Variants in TP63 observed in about 807,000 individuals in gnomAD.
The protein encoded by TP63 is tumor protein p63.
Under a neutral mutation model 82.8 loss-of-function variants are expected in TP63, and 17 were observed. That is an observed-to-expected ratio of 0.21 (90% confidence interval 0.14 to 0.31). TP63 has a LOEUF of 0.31. Ranked by LOEUF, TP63 falls within the 10% of genes least tolerant of loss-of-function variation. TP63 has a pLI of 1.00. For synonymous variants in TP63, 330 were observed against 321.7 expected, an observed-to-expected ratio of 1.03 and a Z score of -0.28; for missense variants, 648 against 895.3, an observed-to-expected ratio of 0.72 and a Z score of 3.52.
chr3:189,672,352 G>A (rs1013890486), intron 1 of TP63, among the ~76,000 whole-genome samples: 3 of 152,088 alleles, frequency 2.0e-5, no homozygotes, highest in Non-Finnish European at 4.4e-5. Flanking sequence ...TGTAATCCCA[G>A]CAGTTTGGGA....
intron 1 of TP63, among the ~76,000 whole-genome samples, chr3:189,650,410 T>A (rs1712789667): frequency 6.8e-6 from 1 of 146,910 alleles, no homozygotes; most frequent in South Asian, 2.2e-4. Flanking sequence ...CCAAATCTCA[T>A]CTTGAATTGT....
chr3:189,609,965 C>G, the TP63 span, among the ~76,000 whole-genome samples: 3 of 152,330 alleles, frequency 2.0e-5, no homozygotes, highest in South Asian at 4.1e-4. Context: ...ATACTGCTTT[C>G]CATGACAGTT....
chr3:189,860,160 T>C (rs1056561775), intron 4 of TP63, among the ~76,000 whole-genome samples: 1 of 151,970 alleles, frequency 6.6e-6, no homozygotes, highest in Non-Finnish European at 1.5e-5. Flanking sequence ...AAAGAATAAA[T>C]TAGGCCTTAG....
rs6444406 is a variant in TP63 at position 189,895,140 on chromosome 3, C to G, written c.*638C>G. 4,578 of 221,126 alleles carry G rather than the reference C, an allele frequency of 0.021. 203 individuals are homozygous for G. The highest frequency in any genetic ancestry group is 0.09 in the African/African-American group (4,015 of 44,728). The allele number at this position is 221,126 out of a possible 1,614,324, so 13.7% of individuals were successfully genotyped here. A position where few individuals can be genotyped will look rare whatever the true frequency, so the allele number is the denominator to read the frequency against. The stretch of plus-strand genomic sequence containing the variant: ...TCCATTGCTTATTATGTAGGTAAGA[C>G]TGTAGATATGTATTCTTTTCTCAGT... On this transcript the variant is annotated 3_prime_UTR_variant, in exon 14 of 14. Coordinates refer to ENST00000264731, the MANE Select transcript of TP63 (RefSeq NM_003722.5).
chr3:189,710,552 A>G lies in TP63; in HGVS notation c.63-27188A>G, dbSNP rs149003228. On this transcript the variant is annotated intron_variant, in intron 1 of 13. Coordinates refer to ENST00000264731, the MANE Select transcript of TP63 (RefSeq NM_003722.5). ...TAGTTGCAGTTTTGGATTATTTCTT[A>G]TTTTATCTTGCTGATTTGTCCAACT... is the stretch of plus-strand genomic sequence containing the variant. 1.6e-3 allele frequency among the ~76,000 whole-genome samples: 240 copies of G among 151,846 alleles called. 1 individual carries two copies. Among genetic ancestry groups the G allele is most frequent in the Middle Eastern group, 0.01 (3 of 294 alleles).
rs537523452 is a variant in TP63 at position 189,802,105 on chromosome 3, G to A, written c.325-6167G>A. Among the ~76,000 whole-genome samples, 253 of 152,290 alleles carry A rather than the reference G, an allele frequency of 1.7e-3. 2 individuals are homozygous for A. The highest frequency in any genetic ancestry group is 5.0e-3 in the South Asian group (24 of 4,828). ...ATCATTCTCTGAGGTGGGGCAGGTG[G>A]CAGAAGACGAAAAAATGACAAGTAT... On this transcript the variant is annotated intron_variant, in intron 3 of 13. Coordinates refer to ENST00000264731, the MANE Select transcript of TP63 (RefSeq NM_003722.5).
chr3:189,764,628 G>A (rs1354202713), intron 3 of TP63, among the ~76,000 whole-genome samples: 1 of 152,076 alleles, frequency 6.6e-6, no homozygotes, highest in Non-Finnish European at 1.5e-5. Context: ...GTCTACTAAA[G>A]TTATCCATTG....
intron 3 of TP63, among the ~76,000 whole-genome samples, chr3:189,805,632 C>T (rs907617214): frequency 2.0e-5 from 3 of 152,190 alleles, no homozygotes; most frequent in South Asian, 2.1e-4. Context: ...CCAGCCTTGC[C>T]GAGGCCCGCT....
chr3:189,705,532 A>G (rs1423933887), intron 1 of TP63, among the ~76,000 whole-genome samples: 3 of 152,016 alleles, frequency 2.0e-5, no homozygotes, highest in African/African-American at 7.2e-5. Flanking sequence ...ACACATCCTT[A>G]TGGTGCCTGA....
At chr3:189,774,941 G>T (rs903691450) in intron 3 of TP63, among the ~76,000 whole-genome samples, 3 of 152,186 alleles carry the variant, frequency 2.0e-5, no homozygotes. Flanking sequence ...TTGACAGCCG[G>T]GCATGGTGGC....
rs951509867 is a variant in TP63, at chr3:189,868,488, G to A, written c.993-92G>A. 2.6e-6 allele frequency: 4 copies of A among 1,560,634 alleles called. No individual in the cohort carries two copies. In the African/African-American group the frequency reaches 5.4e-5, roughly 21 times the overall value. On this transcript the variant is annotated intron_variant, in intron 7 of 13. Coordinates refer to ENST00000264731, the MANE Select transcript of TP63 (RefSeq NM_003722.5). ...GCTAAGCTGGTAGTACGTTGGCGAT[G>A]GCCCATATGGGAAGTGGAAGTGGTA...
intron 4 of TP63, among the ~76,000 whole-genome samples, chr3:189,823,363 A>G (rs1728994458): frequency 6.6e-6 from 1 of 152,196 alleles, no homozygotes; most frequent in Non-Finnish European, 1.5e-5. Context: ...GCACCTCTTC[A>G]GATCGGTATA....
At chr3:189,685,765 G>A (rs982775565) in intron 1 of TP63, among the ~76,000 whole-genome samples, 11 of 152,048 alleles carry the variant, frequency 7.2e-5, no homozygotes, top group South Asian at 2.1e-4. Flanking sequence ...TAGCAATAAC[G>A]CAATTGTATC....
At chr3:189,643,045 A>G (rs1712056516) in intron 1 of TP63, among the ~76,000 whole-genome samples, 1 of 144,358 alleles carries the variant, frequency 6.9e-6, no homozygotes, top group Non-Finnish European at 1.6e-5. Flanking sequence ...CTTGTCGCCC[A>G]GGGTGGAGTA....
chr3:189,715,125 C>T (rs1718867655), intron 1 of TP63, among the ~76,000 whole-genome samples: 1 of 152,098 alleles, frequency 6.6e-6, no homozygotes, highest in African/African-American at 2.4e-5. Context: ...CCTTTCTCCT[C>T]CCTTCTCCTC....
the TP63 span, among the ~76,000 whole-genome samples, chr3:189,621,930 T>G: frequency 6.6e-6 from 1 of 152,240 alleles, no homozygotes; most frequent in Non-Finnish European, 1.5e-5. Context: ...AGACTGAGGC[T>G]ATTCCTGCAA....
At chr3:189,883,589 G>A (rs552536424) in intron 10 of TP63, among the ~76,000 whole-genome samples, 5 of 152,242 alleles carry the variant, frequency 3.3e-5, no homozygotes, top group African/African-American at 1.2e-4. Flanking sequence ...GATGTTTCCT[G>A]AGCACCTACA....
chr3:189,832,834 A>G (rs1466577899), intron 4 of TP63, among the ~76,000 whole-genome samples: 3 of 152,228 alleles, frequency 2.0e-5, no homozygotes, highest in Admixed American at 1.3e-4. Context: ...AACACCTGTC[A>G]CCTACCAAAT....
intron 3 of TP63, among the ~76,000 whole-genome samples, chr3:189,788,046 C>T (rs138711302): frequency 2.0e-5 from 3 of 151,364 alleles, no homozygotes; most frequent in East Asian, 1.9e-4. Context: ...AGAATTTAGA[C>T]ACATTGTACA....
Sources: allele counts gnomAD v4.1 joint callset (sites outside exome capture counted in the v4.1 genomes callset), GRCh38; gene constraint gnomAD v4.1.1; transcripts MANE v1.5; gene names NCBI Gene and HGNC (gene_info 2026-07-23, HGNC 2026-07-21).